Variants in SLA2 observed in about 807,000 individuals in gnomAD.
The protein encoded by SLA2 is Src like adaptor 2, also known as src-like-adapter 2.
Under a neutral mutation model 27.3 loss-of-function variants are expected in SLA2, and 22 were observed. The ratio of observed to expected loss-of-function variants is 0.81; its 90% CI spans 0.58 to 1.15. The LOEUF (loss-of-function observed/expected upper bound fraction) is 1.15, where lower values mean the gene tolerates loss of function less well. Among genes scored for constraint, SLA2 ranks in the 50% most tolerant of loss-of-function variants. The pLI is 0.00. For synonymous variants in SLA2, 131 were observed against 137.8 expected, an observed-to-expected ratio of 0.95 and a Z score of 0.34; for missense variants, 304 against 322.2, an observed-to-expected ratio of 0.94 and a Z score of 0.43.
chr20:36,631,450 G>C (rs755876227), intron 5 of SLA2, among the ~76,000 whole-genome samples: 1 of 152,120 alleles, frequency 6.6e-6, no homozygotes, highest in Non-Finnish European at 1.5e-5. Flanking sequence ...CACAGTGCCC[G>C]GCCTGTATTA....
rs1288201110 is a variant in SLA2, at chr20:36,616,791, AC to A, written c.383-1418del. ...CCACCCCGTGCCTGGCCATATAAGCACATTTAAAATATTAAAACAGGCTAGG... is the reference window on the plus strand; with the variant it reads ...CCACCCCGTGCCTGGCCATATAAGCAATTTAAAATATTAAAACAGGCTAGG... On this transcript the variant is annotated intron_variant, in intron 5 of 7. Transcript: ENST00000262866. 2.0e-5 allele frequency among the ~76,000 whole-genome samples: 3 copies of A among 152,176 alleles called. No individual in the cohort carries two copies. The East Asian group carries it at 5.8e-4, about 29-fold the overall frequency.
rs76759342 is a variant in SLA2, at chr20:36,634,420, G to A, written c.191+70C>T. On this transcript the variant is annotated intron_variant, in intron 3 of 7. Transcript: ENST00000262866. ...CACCTAAGCCTCCCAGACAGCTAGCGCTACAGGCACACACCACCATGCCTG... is the reference window on the plus strand; with the variant it reads ...CACCTAAGCCTCCCAGACAGCTAGCACTACAGGCACACACCACCATGCCTG... 1,576 of 1,182,772 alleles carry A rather than the reference G, an allele frequency of 1.3e-3. 16 individuals are homozygous for A. The African/African-American group carries it at 0.02, about 15-fold the overall frequency. 73.3% of individuals were successfully genotyped at this position (1,182,772 alleles called of 1,614,324 possible).
chr20:36,616,700 A>G (rs997349398), intron 5 of SLA2, among the ~76,000 whole-genome samples: 2 of 152,080 alleles, frequency 1.3e-5, no homozygotes, highest in Non-Finnish European at 2.9e-5. Context: ...TGGCATGATC[A>G]CAGCTCCTGG....
At chr20:36,616,332 C>CTTT (rs751722341) in intron 5 of SLA2, among the ~76,000 whole-genome samples, 5 of 132,008 alleles carry the variant, frequency 3.8e-5, no homozygotes, top group African/African-American at 5.6e-5. Context: ...TTTTAATTTT[C>CTTT]TTTTTTTTTT....
In SLA2 at chr20:36,641,295, G is replaced by A. The variant is rs1454715512; in HGVS notation, c.41C>T (p.Pro14Leu). The A allele has an allele frequency of 3.7e-6, 6 of 1,613,982 alleles. No homozygotes were observed. Among genetic ancestry groups the A allele is most frequent in the African/African-American group, 2.7e-5 (2 of 74,944 alleles). Residue 14 changes from proline (P) to leucine (L), a missense_variant, in exon 2 of 8, where the codon CCA becomes CTA. Physicochemically the swap from Pro to Leu is moderately conservative, Grantham distance 98 (BLOSUM62 -3). Coordinates refer to ENST00000262866, the MANE Select transcript of SLA2 (RefSeq NM_032214.4). ...LPSRRKSLPS[P>L]SLSSSVQGQG... Reference sequence around the variant, plus strand: ...GCCTTGGACAGAGGAACTCAAGCTTGGGCTTGGCAGAGATTTTCTTCTGCT... The same window carrying A: ...GCCTTGGACAGAGGAACTCAAGCTTAGGCTTGGCAGAGATTTTCTTCTGCT...
chr20:36,614,473 T>C, intron 6 of SLA2, 36 bp from the exon 7 acceptor site: 1 of 1,565,622 alleles, frequency 6.4e-7, no homozygotes, highest in Non-Finnish European at 8.6e-7. Flanking sequence ...CATGACTGAC[T>C]CCACCCTACT....
intron 5 of SLA2, among the ~76,000 whole-genome samples, chr20:36,622,610 G>A (rs2039296154): frequency 6.6e-6 from 1 of 152,150 alleles, no homozygotes. Flanking sequence ...CAAGGTGTCA[G>A]CAAGGCAATG....
chr20:36,613,688 T>G lies in SLA2; in HGVS notation c.*178A>C, dbSNP rs1339866700. On this transcript the variant is annotated 3_prime_UTR_variant, in exon 8 of 8. Transcript: ENST00000262866. ...GTGGGATCATGGCACTGGAAGGAAGTAGGTGACTTCTAAGGGCTAAGAGAG... is the reference window on the plus strand; with the variant it reads ...GTGGGATCATGGCACTGGAAGGAAGGAGGTGACTTCTAAGGGCTAAGAGAG... 3 of 664,838 alleles carry G rather than the reference T, an allele frequency of 4.5e-6. No homozygotes were observed. Among genetic ancestry groups the G allele is most frequent in the East Asian group, 5.9e-5 (2 of 33,902 alleles). 41.2% of individuals were successfully genotyped at this position (664,838 alleles called of 1,614,324 possible).
In SLA2 at chr20:36,614,342, C is replaced by T. The variant is rs34834764; in HGVS notation, c.628G>A (p.Val210Met). ...PGKDIPLPVT[V>M]QRTPLNWKEL... ...TTCCAGTTGAGTGGTGTCCTCTGCA[C>T]AGTCACAGGTAGGGGTATATCCTTG... Residue 210 changes from valine (V) to methionine (M), a missense_variant, in exon 7 of 8, where the codon GTG becomes ATG. Transcript: ENST00000262866. The T allele has an allele frequency of 4.5e-3, 7,282 of 1,614,150 alleles. 300 individuals are homozygous for T. In the African/African-American group the frequency reaches 0.086, roughly 19 times the overall value.
rs994655454 is a variant in SLA2 at position 36,632,626 on chromosome 20, G to A, written c.351C>T (p.Ala117=). 1 of 1,614,070 alleles carries A rather than the reference G, an allele frequency of 6.2e-7. No homozygotes were observed. The highest frequency in any genetic ancestry group is 1.3e-5 in the African/African-American group (1 of 74,930). ...LLLLPGNPGG[A]FLIRESQTRR... ...TGGTCTGGCTCTCCCGGATGAGGAA[G>A]GCCCCTCCAGGGTTCCCAGGTAACA... Residue 117 remains alanine, a synonymous_variant, in exon 5 of 8, where the codon GCC becomes GCT. Coordinates refer to ENST00000262866, the MANE Select transcript of SLA2 (RefSeq NM_032214.4).
intron 5 of SLA2, among the ~76,000 whole-genome samples, chr20:36,630,883 C>T (rs1378265424): frequency 6.6e-6 from 1 of 152,188 alleles, no homozygotes; most frequent in East Asian, 1.9e-4. Flanking sequence ...CCCGTTCCTA[C>T]TCCTCTTTGG....
intron 5 of SLA2, among the ~76,000 whole-genome samples, chr20:36,616,281 C>G (rs1954929560): frequency 6.6e-6 from 1 of 151,188 alleles, no homozygotes; most frequent in Non-Finnish European, 1.5e-5. Flanking sequence ...ATGACAGTTT[C>G]ACCAGCTTTG....
At chr20:36,619,899 T>C (rs549775321) in intron 5 of SLA2, among the ~76,000 whole-genome samples, 49 of 150,342 alleles carry the variant, frequency 3.3e-4, no homozygotes, top group African/African-American at 1.1e-3. Flanking sequence ...CCCAAAGTGC[T>C]GGGATTACAG....
intron 2 of SLA2, among the ~76,000 whole-genome samples, chr20:36,637,985 G>A (rs183528362): frequency 6.8e-6 from 1 of 146,026 alleles, no homozygotes; most frequent in Admixed American, 7.0e-5. Flanking sequence ...ACCTCCTCCT[G>A]GGTTCAAGTG....
chr20:36,636,427 C>CAAAA (rs71186007), intron 2 of SLA2, among the ~76,000 whole-genome samples: 1 of 61,432 alleles, frequency 1.6e-5, no homozygotes, highest in African/African-American at 7.0e-5. Context: ...GACTCCGTCT[C>CAAAA]AAAAAAAAAA....
chr20:36,636,143 C>T (rs181804057), intron 2 of SLA2, among the ~76,000 whole-genome samples: 1 of 152,074 alleles, frequency 6.6e-6, no homozygotes, highest in Admixed American at 6.6e-5. Flanking sequence ...AGAGGCCGGG[C>T]GCGGTGGCTC....
chr20:36,625,867 A>T (rs889540988), intron 5 of SLA2, among the ~76,000 whole-genome samples: 2 of 150,026 alleles, frequency 1.3e-5, no homozygotes, highest in African/African-American at 4.9e-5. Flanking sequence ...GCTCATGCCT[A>T]TAAACCCAGC....
chr20:36,618,063 C>T (rs1371016913), intron 5 of SLA2, among the ~76,000 whole-genome samples: 9 of 149,352 alleles, frequency 6.0e-5, no homozygotes, highest in Non-Finnish European at 1.0e-4. Flanking sequence ...AGGAGAATGG[C>T]GTGAACCCAG....
chr20:36,642,286 C>T (rs939795705), intron 1 of SLA2, among the ~76,000 whole-genome samples: 1 of 119,496 alleles, frequency 8.4e-6, no homozygotes, highest in Non-Finnish European at 1.8e-5. Flanking sequence ...CCTCCTTTTC[C>T]TCATCTGAAA....
Sources: allele counts gnomAD v4.1 joint callset (sites outside exome capture counted in the v4.1 genomes callset), GRCh38; gene constraint gnomAD v4.1.1; transcripts MANE v1.5; gene names NCBI Gene and HGNC (gene_info 2026-07-23, HGNC 2026-07-21).